The following MYO5B variants were observed in gnomAD, a reference collection of about 807,000 sequenced individuals.
MYO5B encodes unconventional myosin-Vb.
In MYO5B, 143 loss-of-function variants were observed where a neutral mutation model predicts 229.3. The observed-to-expected ratio is 0.62, with a 90% CI of 0.54 to 0.72. The LOEUF is 0.72. Ranked by LOEUF, MYO5B falls within the 30% of genes least tolerant of loss-of-function variation. The pLI, the probability that MYO5B is intolerant of heterozygous loss-of-function variation, is 0.00. For missense variants in MYO5B, 2,321 were observed against 2,331.0 expected, an observed-to-expected ratio of 1.00 and a Z score of 0.09; for synonymous variants, 918 against 885.2, an observed-to-expected ratio of 1.04 and a Z score of -0.66.
chr18:50,138,572 C>T (rs74955789), intron 1 of MYO5B, among the ~76,000 whole-genome samples: 1 of 152,014 alleles, frequency 6.6e-6, no homozygotes, highest in African/African-American at 2.4e-5. Flanking sequence ...AAGCCCTGTC[C>T]ACCTTGGTGG....
rs369759574 is a variant in MYO5B, at chr18:49,862,679, G to A, written c.3944+548C>T. On this transcript the variant is annotated intron_variant, in intron 29 of 39. Coordinates refer to ENST00000285039, the MANE Select transcript of MYO5B (RefSeq NM_001080467.3). ...CTTAACCCTGGCTCAGCTTATTTTC[G>A]AGGGGACAGTGGTTGCTAAACTCAC... Among the ~76,000 whole-genome samples, 19 of 152,242 alleles carry A rather than the reference G, an allele frequency of 1.2e-4. No homozygotes were observed. The East Asian group carries it at 2.9e-3, about 23-fold the overall frequency.
At chr18:50,070,516 G>T (rs1439461684) in intron 1 of MYO5B, among the ~76,000 whole-genome samples, 1 of 151,836 alleles carries the variant, frequency 6.6e-6, no homozygotes, top group Non-Finnish European at 1.5e-5. Context: ...GCATCTAGTA[G>T]GTAGAGCTCA....
chr18:49,841,090 G>A (rs1223431998), intron 35 of MYO5B, among the ~76,000 whole-genome samples: 17 of 152,172 alleles, frequency 1.1e-4, no homozygotes, highest in Admixed American at 1.1e-3. Context: ...AGACTCCCAG[G>A]GCCTCTATTG....
intron 1 of MYO5B, among the ~76,000 whole-genome samples, chr18:50,145,948 C>T (rs537212345): frequency 1.5e-4 from 23 of 152,320 alleles, no homozygotes; most frequent in African/African-American, 2.6e-4. Flanking sequence ...TTACCAAAAA[C>T]GGATACATTT....
chr18:49,933,092 C>A (rs913419804), intron 16 of MYO5B, among the ~76,000 whole-genome samples: 1 of 152,190 alleles, frequency 6.6e-6, no homozygotes, highest in Admixed American at 6.5e-5. Flanking sequence ...GCCCTACCTC[C>A]ACAATTGCCC....
intron 1 of MYO5B, among the ~76,000 whole-genome samples, chr18:50,078,697 A>G (rs746462767): frequency 1.3e-5 from 2 of 152,228 alleles, no homozygotes; most frequent in South Asian, 2.1e-4. Context: ...AAAGCTGAGC[A>G]TAAGACCCAC....
chr18:50,063,142 G>A (rs1349641316), intron 1 of MYO5B, among the ~76,000 whole-genome samples: 1 of 152,096 alleles, frequency 6.6e-6, no homozygotes, highest in African/African-American at 2.4e-5. Context: ...AACCATGTGC[G>A]TATAAAGTGT....
Position 49,822,823 on chromosome 18 carries a change from A to G in MYO5B, c.*3648T>C, listed in dbSNP as rs1030811304. On this transcript the variant is annotated 3_prime_UTR_variant, in exon 40 of 40. Transcript: ENST00000285039. ...GATTTGGCACACCTCTTTATTCAAA[A>G]GTATTTATTTCCACAAATTTTTATC... is the stretch of plus-strand genomic sequence containing the variant. 2.0e-5 allele frequency: 3 copies of G among 152,272 alleles called. No individual in the cohort carries two copies. The highest frequency in any genetic ancestry group is 7.2e-5 in the African/African-American group (3 of 41,472). 9.4% of individuals were successfully genotyped at this position (152,272 alleles called of 1,614,324 possible). A position where few individuals can be genotyped will look rare whatever the true frequency, so the allele number is the denominator to read the frequency against.
chr18:49,896,060 C>A (rs9962255), intron 21 of MYO5B, among the ~76,000 whole-genome samples: 1 of 152,148 alleles, frequency 6.6e-6, no homozygotes, highest in African/African-American at 2.4e-5. Flanking sequence ...ACAGAGCTAG[C>A]GGCCAAATCA....
At chr18:50,090,192 C>G (rs1031978828) in intron 1 of MYO5B, among the ~76,000 whole-genome samples, 1 of 152,050 alleles carries the variant, frequency 6.6e-6, no homozygotes, top group African/African-American at 2.4e-5. Flanking sequence ...ACAAAGAACC[C>G]TGGTGTTCCT....
At chr18:49,850,040 G>A (rs918356681) in intron 31 of MYO5B, 8 of 349,750 alleles carry the variant, frequency 2.3e-5, no homozygotes, top group Non-Finnish European at 3.9e-5. Flanking sequence ...GAACGGACAG[G>A]TGTGAGAATG....
intron 2 of MYO5B, among the ~76,000 whole-genome samples, chr18:50,043,476 T>TATATAAATATATTTTTATATATAA (rs1190200594): frequency 2.3e-5 from 2 of 86,404 alleles, no homozygotes; most frequent in South Asian, 3.6e-4. Flanking sequence ...TATATTTACA[T>TATATAAATATATTTTTATATATAA]ATATAAATAT....
In MYO5B at chr18:49,823,154, G is replaced by T. The variant is rs886053853; in HGVS notation, c.*3317C>A. 6.6e-6 allele frequency: 1 copy of T among 152,232 alleles called. No individual in the cohort carries two copies. The highest frequency in any genetic ancestry group is 1.5e-5 in the Non-Finnish European group (1 of 68,044). The allele number at this position is 152,232 out of a possible 1,614,324, so 9.4% of individuals were successfully genotyped here. ...GAAATTTTTTGAAAAACAATCTTTT[G>T]TATCTAATGACCTTTATAATAAAAA... On this transcript the variant is annotated 3_prime_UTR_variant, in exon 40 of 40. Transcript: ENST00000285039.
At chr18:50,163,144 C>A (rs1234733079) in intron 1 of MYO5B, among the ~76,000 whole-genome samples, 1 of 152,230 alleles carries the variant, frequency 6.6e-6, no homozygotes, top group Non-Finnish European at 1.5e-5. Flanking sequence ...TGATTCATGA[C>A]CTCATGTAGA....
intron 8 of MYO5B, among the ~76,000 whole-genome samples, chr18:49,981,737 T>G (rs897011204): frequency 6.6e-6 from 1 of 152,164 alleles, no homozygotes; most frequent in African/African-American, 2.4e-5. Flanking sequence ...GCTGCAAGTA[T>G]TTGCAGCTAT....
At chr18:50,001,528 A>G in intron 4 of MYO5B, 117 bp from the exon 5 acceptor site, 1 of 1,227,490 alleles carries the variant, frequency 8.1e-7, no homozygotes, top group East Asian at 2.3e-5. Flanking sequence ...ACTTTAATGG[A>G]TAAACGCAGA....
chr18:50,077,066 G>A (rs951192737), intron 1 of MYO5B, among the ~76,000 whole-genome samples: 1 of 150,056 alleles, frequency 6.7e-6, no homozygotes, highest in African/African-American at 2.5e-5. Context: ...TCTTTATGCT[G>A]TGAGGATGCC....
chr18:50,008,455 G>C (rs567225740), intron 4 of MYO5B, among the ~76,000 whole-genome samples: 13 of 152,098 alleles, frequency 8.5e-5, no homozygotes, highest in African/African-American at 3.1e-4. Flanking sequence ...AGCCCCCTTC[G>C]AGTTGTACAA....
At chr18:49,937,508 G>T in intron 14 of MYO5B, 111 bp from the exon 15 acceptor site, 1 of 1,275,036 alleles carries the variant, frequency 7.8e-7, no homozygotes, top group Non-Finnish European at 1.1e-6. Context: ...ACACATCCAC[G>T]CCAAAACCCA....
Sources: gnomAD v4.1 joint callset for allele counts (sites outside exome capture counted in the v4.1 genomes callset) on GRCh38, gnomAD v4.1.1 for gene constraint, MANE v1.5 for transcripts, NCBI Gene and HGNC (gene_info 2026-07-23, HGNC 2026-07-21) for gene names.